Variants in NRXN3 observed in about 807,000 individuals in gnomAD.
The protein encoded by NRXN3 is neurexin 3, also known as neurexin III.
In NRXN3, 32 loss-of-function variants were observed where a neutral mutation model predicts 137.6. That is an observed-to-expected ratio of 0.23 (90% CI 0.18 to 0.31). NRXN3 has a LOEUF of 0.31. NRXN3 is among the 10% of genes least tolerant of loss of function. The pLI is 1.00. For synonymous variants in NRXN3, 798 were observed against 784.5 expected (o/e 1.02, Z -0.29); for missense variants, 1,574 against 2,062.5 (o/e 0.76, Z 4.59).
intron 8 of NRXN3, among the ~76,000 whole-genome samples, chr14:78,791,271 T>C (rs892732810): frequency 6.6e-6 from 1 of 152,132 alleles, no homozygotes; most frequent in Non-Finnish European, 1.5e-5. Flanking sequence ...GGGAAAATGG[T>C]AGAAAGGAAG....
intron 20 of NRXN3, 134 bp downstream of exon 20, chr14:79,805,324 A>G (rs986753262): frequency 2.5e-5 from 11 of 440,262 alleles, no homozygotes; most frequent in African/African-American, 2.2e-4. Context: ...TTATATCTAT[A>G]TATGTATAAG....
At chr14:78,543,854 A>T (rs2096614311) in intron 4 of NRXN3, among the ~76,000 whole-genome samples, 1 of 152,160 alleles carries the variant, frequency 6.6e-6, no homozygotes, top group South Asian at 2.1e-4. Context: ...TAAAACAACA[A>T]AAAAGTCAAA....
intron 10 of NRXN3, among the ~76,000 whole-genome samples, chr14:78,949,502 A>G (rs2099382425): frequency 6.6e-6 from 1 of 151,990 alleles, no homozygotes; most frequent in African/African-American, 2.4e-5. Flanking sequence ...TTTTTCCAAT[A>G]CATTGAACAC....
intron 4 of NRXN3, among the ~76,000 whole-genome samples, chr14:78,486,738 AC>A (rs2095565882): frequency 6.6e-6 from 1 of 152,094 alleles, no homozygotes; most frequent in African/African-American, 2.4e-5. Flanking sequence ...TCTGTCCATG[AC>A]TGTGAACTTT....
intron 15 of NRXN3, among the ~76,000 whole-genome samples, chr14:79,257,876 G>A (rs1035851191): frequency 4.0e-5 from 6 of 151,718 alleles, no homozygotes; most frequent in Admixed American, 2.6e-4. Flanking sequence ...TATAGGCCGA[G>A]AAATTATACA....
At chr14:79,135,667 T>C (rs2058145879) in intron 15 of NRXN3, among the ~76,000 whole-genome samples, 1 of 152,236 alleles carries the variant, frequency 6.6e-6, no homozygotes, top group African/African-American at 2.4e-5. Context: ...TTTGAATTAT[T>C]AAACCAAATA....
intron 4 of NRXN3, among the ~76,000 whole-genome samples, chr14:78,554,436 A>C (rs1368495911): frequency 6.6e-6 from 1 of 152,148 alleles, no homozygotes; most frequent in Non-Finnish European, 1.5e-5. Flanking sequence ...GCATAGAGGC[A>C]CAACCCCAAA....
chr14:79,063,218 T>G (rs2099676404), intron 15 of NRXN3, among the ~76,000 whole-genome samples: 1 of 152,190 alleles, frequency 6.6e-6, no homozygotes, highest in South Asian at 2.1e-4. Flanking sequence ...GGTGCCCACA[T>G]GCACTTATCC....
At chr14:78,643,397 T>C (rs1045559284) in intron 4 of NRXN3, among the ~76,000 whole-genome samples, 13 of 152,204 alleles carry the variant, frequency 8.5e-5, no homozygotes, top group African/African-American at 3.1e-4. Flanking sequence ...AGTAATGAGG[T>C]GCTTTTGATA....
chr14:79,238,244 A>G (rs1385739441), intron 15 of NRXN3, among the ~76,000 whole-genome samples: 2 of 152,110 alleles, frequency 1.3e-5, no homozygotes, highest in Admixed American at 6.6e-5. Flanking sequence ...AGGCCTCACA[A>G]ATTATGTAGT....
At chr14:79,421,934 A>C (rs1252541315) in intron 15 of NRXN3, among the ~76,000 whole-genome samples, 1 of 152,226 alleles carries the variant, frequency 6.6e-6, no homozygotes, top group Non-Finnish European at 1.5e-5. Context: ...TTACACTAGT[A>C]ACAAGTTTCC....
chr14:78,202,189 C>A (rs571541593), intron 1 of NRXN3, among the ~76,000 whole-genome samples: 1 of 152,238 alleles, frequency 6.6e-6, no homozygotes, highest in South Asian at 2.1e-4. Flanking sequence ...GAGGGGGAAA[C>A]GAAAGGCTGG....
intron 4 of NRXN3, among the ~76,000 whole-genome samples, chr14:78,468,452 CA>C (rs76096866): frequency 0.022 from 3,297 of 152,198 alleles, 113 homozygotes; most frequent in African/African-American, 0.072. Flanking sequence ...TCACCTCCAG[CA>C]AGTTAGCAGA....
intron 17 of NRXN3, among the ~76,000 whole-genome samples, chr14:79,690,165 T>C (rs577588726): frequency 6.6e-6 from 1 of 152,160 alleles, no homozygotes; most frequent in Non-Finnish European, 1.5e-5. Context: ...TTATGATATC[T>C]GTCACCTGTA....
At chr14:78,887,216 T>G (rs1051210708) in intron 10 of NRXN3, among the ~76,000 whole-genome samples, 1 of 152,106 alleles carries the variant, frequency 6.6e-6, no homozygotes, top group African/African-American at 2.4e-5. Context: ...GAAAATTATG[T>G]TCAGATAGAT....
At chr14:79,143,462 T>G (rs1049719840) in intron 15 of NRXN3, among the ~76,000 whole-genome samples, 1 of 152,208 alleles carries the variant, frequency 6.6e-6, no homozygotes, top group African/African-American at 2.4e-5. Flanking sequence ...AATTTTCACC[T>G]TTGGTGGGGA....
chr14:78,620,025 T>C (rs567080171), intron 4 of NRXN3, among the ~76,000 whole-genome samples: 18 of 152,318 alleles, frequency 1.2e-4, no homozygotes, highest in Middle Eastern at 3.4e-3. Context: ...AAATGTTGGC[T>C]GCTTAAGTCA....
intron 3 of NRXN3, among the ~76,000 whole-genome samples, chr14:78,286,098 G>A (rs746165783): frequency 4.6e-5 from 7 of 152,286 alleles, no homozygotes; most frequent in East Asian, 1.9e-4. Context: ...CAGACCCACC[G>A]GGGTATTGGT....
intron 15 of NRXN3, among the ~76,000 whole-genome samples, chr14:79,094,472 C>CACAATGGAAT (rs1445068989): frequency 1.3e-5 from 2 of 152,210 alleles, no homozygotes; most frequent in African/African-American, 2.4e-5. Flanking sequence ...GCGATTGAAT[C>CACAATGGAAT]ACAATGGAAT....
Sources: allele counts gnomAD v4.1 joint callset (sites outside exome capture counted in the v4.1 genomes callset), GRCh38; gene constraint gnomAD v4.1.1; transcripts MANE v1.5; gene names NCBI Gene and HGNC (gene_info 2026-07-23, HGNC 2026-07-21).